TSPAN9: variants seen among roughly 807,000 people sequenced by gnomAD.
The protein encoded by TSPAN9 is tetraspanin 9.
In TSPAN9, 16 loss-of-function variants were observed where a neutral mutation model predicts 31.0. That is an observed-to-expected ratio of 0.52 (90% CI 0.35 to 0.78). TSPAN9 has a LOEUF of 0.78. Among genes scored for constraint, TSPAN9 ranks in the 30% least tolerant of loss-of-function variants. The probability of loss-of-function intolerance (pLI) is 0.01; values close to 1 mark genes in which losing one functional copy is unlikely to be tolerated. For missense variants in TSPAN9, 272 were observed against 312.5 expected, an observed-to-expected ratio of 0.87 and a Z score of 0.98; for synonymous variants, 145 against 121.6, an observed-to-expected ratio of 1.19 and a Z score of -1.27.
intron 2 of TSPAN9, among the ~76,000 whole-genome samples, chr12:3,177,804 G>A (rs1168473114): frequency 6.6e-6 from 1 of 152,234 alleles, no homozygotes; most frequent in Non-Finnish European, 1.5e-5. Context: ...ATATTCCCAA[G>A]TTTACAACCA....
chr12:3,112,602 AT>A (rs1159583465), intron 2 of TSPAN9, among the ~76,000 whole-genome samples: 4 of 148,626 alleles, frequency 2.7e-5, no homozygotes, highest in African/African-American at 9.9e-5. Context: ...TATTTAAAAA[AT>A]TTTTGTAAAA....
chr12:3,193,475 A>G (rs1007626091), intron 2 of TSPAN9, among the ~76,000 whole-genome samples: 1 of 152,174 alleles, frequency 6.6e-6, no homozygotes, highest in African/African-American at 2.4e-5. Flanking sequence ...GCCCCAGTAC[A>G]TGCTCTGAGC....
intron 3 of TSPAN9, among the ~76,000 whole-genome samples, chr12:3,242,423 C>T (rs2098397041): frequency 6.6e-6 from 1 of 152,236 alleles, no homozygotes; most frequent in African/African-American, 2.4e-5. Flanking sequence ...ACAGCAAGCA[C>T]AGCTCCCATT....
chr12:3,191,518 G>A (rs976380764), intron 2 of TSPAN9, among the ~76,000 whole-genome samples: 9 of 152,196 alleles, frequency 5.9e-5, no homozygotes, highest in Admixed American at 5.2e-4. Flanking sequence ...TGAGGAACCA[G>A]AGGTTGAGCA....
intron 3 of TSPAN9, among the ~76,000 whole-genome samples, chr12:3,224,710 A>T (rs372028974): frequency 2.0e-5 from 3 of 152,330 alleles, no homozygotes; most frequent in East Asian, 1.9e-4. Flanking sequence ...GTACTGCGCC[A>T]GGGTGGCCGC....
chr12:3,247,784 T>C (rs1862168543), intron 3 of TSPAN9, among the ~76,000 whole-genome samples: 1 of 152,194 alleles, frequency 6.6e-6, no homozygotes, highest in African/African-American at 2.4e-5. Flanking sequence ...GCTGTGCTTG[T>C]GGTTTCCCTG....
intron 2 of TSPAN9, among the ~76,000 whole-genome samples, chr12:3,160,082 T>G (rs1057015827): frequency 6.6e-6 from 1 of 152,214 alleles, no homozygotes; most frequent in Non-Finnish European, 1.5e-5. Context: ...ATTCTCTATA[T>G]CCTCCCAACC....
At chr12:3,092,604 G>C (rs2098305391) in intron 2 of TSPAN9, among the ~76,000 whole-genome samples, 1 of 152,170 alleles carries the variant, frequency 6.6e-6, no homozygotes, top group Non-Finnish European at 1.5e-5. Context: ...GGAGATGCCT[G>C]CCTTGACTCA....
chr12:3,139,040 C>T (rs2098333491), intron 2 of TSPAN9, among the ~76,000 whole-genome samples: 1 of 152,210 alleles, frequency 6.6e-6, no homozygotes, highest in Admixed American at 6.5e-5. Context: ...CCCACCCTCC[C>T]TACACGCTGT....
intron 2 of TSPAN9, among the ~76,000 whole-genome samples, chr12:3,157,160 C>T (rs11831855): frequency 0.028 from 4,130 of 149,368 alleles, 189 homozygotes; most frequent in African/African-American, 0.097. Flanking sequence ...AGTGCCGTGG[C>T]GCGATCTCAG....
At chr12:3,195,439 T>G (rs2098366573) in intron 2 of TSPAN9, among the ~76,000 whole-genome samples, 1 of 151,864 alleles carries the variant, frequency 6.6e-6, no homozygotes, top group Admixed American at 6.6e-5. Flanking sequence ...AAAAAAAAAA[T>G]AAAAGAAAAG....
chr12:3,252,239 C>T (rs1034796917), intron 3 of TSPAN9, among the ~76,000 whole-genome samples: 2 of 152,180 alleles, frequency 1.3e-5, no homozygotes, highest in African/African-American at 4.8e-5. Context: ...ATATGATTTC[C>T]ACACTCCCTG....
chr12:3,133,225 C>T (rs1036118229), intron 2 of TSPAN9, among the ~76,000 whole-genome samples: 3 of 152,158 alleles, frequency 2.0e-5, no homozygotes, highest in Non-Finnish European at 4.4e-5. Flanking sequence ...CCCCACCCAT[C>T]CCGGAAAAAG....
intron 2 of TSPAN9, among the ~76,000 whole-genome samples, chr12:3,094,827 G>A (rs1201916383): frequency 6.9e-6 from 1 of 145,636 alleles, no homozygotes; most frequent in Non-Finnish European, 1.5e-5. Flanking sequence ...GAGCCAACAC[G>A]CCCGGCAAAA....
Position 3,280,565 on chromosome 12 carries a change from T to A in TSPAN9, c.432+82T>A. ...CTTCTAGCTGCCTTCCCCGGTGACC[T>A]GGCCGGGCACCTGTGCTTTCTGGAT... On this transcript the variant is annotated intron_variant, in intron 6 of 8. Transcript: ENST00000011898. This position sits in a 1 kb window ranked among gnomAD's most constrained non-coding sequence, Gnocchi z 4.5. The A allele has an allele frequency of 7.6e-7, 1 of 1,316,402 alleles. No individual in the cohort carries two copies. The highest frequency in any genetic ancestry group is 1.1e-6 in the Non-Finnish European group (1 of 944,110). 81.5% of individuals were successfully genotyped at this position (1,316,402 alleles called of 1,614,324 possible).
chr12:3,164,235 G>A (rs1344005991), intron 2 of TSPAN9, among the ~76,000 whole-genome samples: 1 of 152,190 alleles, frequency 6.6e-6, no homozygotes, highest in South Asian at 2.1e-4. Flanking sequence ...AGTCCTGGGA[G>A]GTGGTTTATC....
At chr12:3,179,561 A>T (rs1565604256) in intron 2 of TSPAN9, among the ~76,000 whole-genome samples, 2 of 152,168 alleles carry the variant, frequency 1.3e-5, no homozygotes, top group Admixed American at 6.5e-5. Context: ...CAGACAGCTG[A>T]GTAGAATTTG....
chr12:3,123,196 G>T (rs1006597884), intron 2 of TSPAN9, among the ~76,000 whole-genome samples: 1 of 152,204 alleles, frequency 6.6e-6, no homozygotes, highest in Admixed American at 6.5e-5. Context: ...GGGTTAGCTC[G>T]GGAGTGGCGT....
chr12:3,102,580 G>GGCGCCCGCCACC (rs2098312355), intron 2 of TSPAN9, among the ~76,000 whole-genome samples: 1 of 151,918 alleles, frequency 6.6e-6, no homozygotes, highest in Admixed American at 6.6e-5. Flanking sequence ...TGGGACTACA[G>GGCGCCCGCCACC]GCGCCCGCCA....
Sources: allele counts gnomAD v4.1 joint callset (sites outside exome capture counted in the v4.1 genomes callset), GRCh38; gene constraint gnomAD v4.1.1; non-coding constraint Gnocchi (gnomAD v3.1); transcripts MANE v1.5; gene names NCBI Gene and HGNC (gene_info 2026-07-23, HGNC 2026-07-21).